CTSV: variants seen among roughly 807,000 people sequenced by gnomAD.
CTSV encodes cathepsin V.
A neutral mutation model predicts 35.6 loss-of-function variants in CTSV; 33 were observed. That is an observed-to-expected ratio of 0.93 (90% CI 0.70 to 1.24). The LOEUF is 1.24. Ranked by LOEUF, CTSV falls within the 50% of genes most tolerant of loss-of-function variation. The probability of loss-of-function intolerance (pLI) is 0.00; values close to 1 mark genes in which losing one functional copy is unlikely to be tolerated. For synonymous variants in CTSV, 154 were observed against 147.1 expected (o/e 1.05, Z -0.34); for missense variants, 408 against 413.1 (o/e 0.99, Z 0.11).
chr9:97,031,373 T>C lies in CTSV; in HGVS notation c.*1576A>G, dbSNP rs774203734. ...GCATTCACAATGGATCACCTTTCGATTAAATTTCACCAGCTCATCCCCGGT... is the reference window on the plus strand; with the variant it reads ...GCATTCACAATGGATCACCTTTCGACTAAATTTCACCAGCTCATCCCCGGT... On this transcript the variant is annotated 3_prime_UTR_variant, in exon 8 of 8. Coordinates refer to ENST00000259470, the MANE Select transcript of CTSV (RefSeq NM_001333.4). 4 of 152,218 alleles carry C rather than the reference T, an allele frequency of 2.6e-5. No homozygotes were observed. Among genetic ancestry groups the C allele is most frequent in the Non-Finnish European group, 4.4e-5 (3 of 68,050 alleles). 9.4% of individuals were successfully genotyped at this position (152,218 alleles called of 1,614,324 possible).
rs752383893 is a variant in CTSV at position 97,037,275 on chromosome 9, A to G, written c.373T>C (p.Tyr125His). 5 of 1,614,142 alleles carry G rather than the reference A, an allele frequency of 3.1e-6. No homozygotes were observed. In the Admixed American group the frequency reaches 8.3e-5, roughly 27 times the overall value. ...PKSVDWRKKG[Y>H]VTPVKNQKQC... ...ACCTGATTCTTCACTGGCGTCACGT[A>G]GCCTTTCTTTCTCCAATCCACAGAT... The change falls in exon 4 of 8, where the codon TAC (tyrosine) becomes CAC (histidine). Residue 125 changes from tyrosine to histidine, a missense_variant. Coordinates refer to ENST00000259470, the MANE Select transcript of CTSV (RefSeq NM_001333.4).
intron 1 of CTSV, chr9:97,038,344 G>C: frequency 3.8e-6 from 1 of 266,400 alleles, no homozygotes; most frequent in East Asian, 8.3e-5. Context: ...CTAGGAAAGA[G>C]TTGGTCCAGG....
rs373081100 is a variant in CTSV, at chr9:97,036,580, C to T, written c.564G>A (p.Gln188=). 2.0e-5 allele frequency: 32 copies of T among 1,613,966 alleles called. No homozygotes were observed. Among genetic ancestry groups the T allele is most frequent in the Non-Finnish European group, 8.5e-6 (10 of 1,180,028 alleles). ...CNGGFMARAF[Q]YVKENGGLDS... ...CCAGGCCTCCGTTCTCCTTGACATA[C>T]TGGAAGGCCCTAGCCATGAAGCCAC... Residue 188 remains glutamine (Q), a synonymous_variant, in exon 5 of 8, where the codon CAG becomes CAA. Coordinates refer to ENST00000259470, the MANE Select transcript of CTSV (RefSeq NM_001333.4).
At position 97,037,527 on chromosome 9, in the gene CTSV, C is replaced by T. The variant is rs757268654; in HGVS notation, c.215G>A (p.Gly72Asp). ...AAAAGCATTCATGGCCATTGTGAAG[C>T]CATGTTTCCCTTGGCTGTATTCCCC... ...HNGEYSQGKH[G>D]FTMAMNAFGD... Residue 72 changes from glycine (G) to aspartate (D), a missense_variant, in exon 3 of 8, where the codon GGC becomes GAC. Coordinates refer to ENST00000259470, the MANE Select transcript of CTSV (RefSeq NM_001333.4). The T allele has an allele frequency of 1.9e-6, 3 of 1,614,220 alleles. No homozygotes were observed. The highest frequency in any genetic ancestry group is 2.5e-6 in the Non-Finnish European group (3 of 1,180,040).
intron 6 of CTSV, 69 bp from the exon 7 acceptor site, chr9:97,034,912 C>A: frequency 8.5e-7 from 1 of 1,181,386 alleles, no homozygotes; most frequent in Non-Finnish European, 1.3e-6. Context: ...CACCCTACCA[C>A]CCTCCATAAG....
intron 7 of CTSV, 100 bp from the exon 8 acceptor site, chr9:97,033,148 C>A: frequency 1.4e-6 from 1 of 731,440 alleles, no homozygotes; most frequent in South Asian, 1.8e-5. Flanking sequence ...TCCCATGTGT[C>A]AGGCACTATT....
In CTSV at chr9:97,030,912, G is replaced by A. The variant is rs565950799; in HGVS notation, c.*2037C>T. The A allele has an allele frequency of 1.1e-4, 17 of 152,284 alleles. No individual in the cohort carries two copies. The highest frequency in any genetic ancestry group is 2.2e-4 in the Non-Finnish European group (15 of 68,026). 9.4% of individuals were successfully genotyped at this position (152,284 alleles called of 1,614,324 possible). A position where few individuals can be genotyped will look rare whatever the true frequency, so the allele number is the denominator to read the frequency against. On this transcript the variant is annotated 3_prime_UTR_variant, in exon 8 of 8. Transcript: ENST00000259470. The stretch of plus-strand genomic sequence containing the variant: ...CATATCCCCAGCAAATATTGGTTAA[G>A]TCTGTGCTTCAGACTAGATTTTTCA...
chr9:97,036,755 G>C lies in CTSV; in HGVS notation c.397-8C>G. On this transcript the variant is annotated splice_region_variant and splice_polypyrimidine_tract_variant and intron_variant, in intron 4 of 7. Coordinates refer to ENST00000259470, the MANE Select transcript of CTSV (RefSeq NM_001333.4). ...ACAAGAACCACACTGTTTCTAAAAA[G>C]GGAGAAAAAAAAAGCTGTAAATTTA... The C allele has an allele frequency of 6.4e-7, 1 of 1,569,760 alleles. No individual in the cohort carries two copies. The highest frequency in any genetic ancestry group is 1.7e-4 in the Middle Eastern group (1 of 5,802).
In CTSV at chr9:97,032,837, A is replaced by G. The variant is rs1828776890; in HGVS notation, c.*112T>C. 1 of 624,606 alleles carries G rather than the reference A, an allele frequency of 1.6e-6. No individual in the cohort carries two copies. 38.7% of individuals were successfully genotyped at this position (624,606 alleles called of 1,614,324 possible). ...TCACAGAATTAAAATCTCAACTTGG[A>G]TCCTCAATGATTCAACTGGTTTATC... On this transcript the variant is annotated 3_prime_UTR_variant, in exon 8 of 8. Coordinates refer to ENST00000259470, the MANE Select transcript of CTSV (RefSeq NM_001333.4).
intron 1 of CTSV, 134 bp from the exon 2 acceptor site, chr9:97,038,187 C>T: frequency 1.0e-6 from 1 of 979,910 alleles, no homozygotes; most frequent in Non-Finnish European, 1.4e-6. Context: ...CTGAAACAGG[C>T]CAAGTGGAGG....
Position 97,035,550 on chromosome 9 carries a change from C to T in CTSV, c.765G>A (p.Ser255=), listed in dbSNP as rs761346527. 64 of 1,562,540 alleles carry T rather than the reference C, an allele frequency of 4.1e-5. No homozygotes were observed. Among genetic ancestry groups the T allele is most frequent in the Non-Finnish European group, 5.2e-5 (60 of 1,150,442 alleles). ...TACCTGATTTGTAGAACTGGAAGGA[C>T]GAATGGCCTGCATCCATAGCAACGG... ...PISVAMDAGH[S]SFQFYKSGIY... is the part of the protein sequence containing the mutation. Residue 255 remains serine, a synonymous_variant, in exon 6 of 8, where the codon TCG becomes TCA. Transcript: ENST00000259470.
At chr9:97,037,886 A>G in intron 2 of CTSV, 32 bp downstream of exon 2, 1 of 1,608,752 alleles carries the variant, frequency 6.2e-7, no homozygotes, top group Non-Finnish European at 8.5e-7. Flanking sequence ...TTCTCTCCAG[A>G]GTCCCTCTGG....
chr9:97,037,177 A>G (rs1828867356), intron 4 of CTSV, 75 bp downstream of exon 4: 1 of 1,481,064 alleles, frequency 6.8e-7, no homozygotes, highest in Non-Finnish European at 9.2e-7. Flanking sequence ...TTGTGCCACC[A>G]TCTACCACAG....
rs140238295 is a variant in CTSV, at chr9:97,036,582, G to C, written c.562C>G (p.Gln188Glu). ...CNGGFMARAF[Q>E]YVKENGGLDS... Reference sequence around the variant, plus strand: ...AGGCCTCCGTTCTCCTTGACATACTGGAAGGCCCTAGCCATGAAGCCACCA... The same window carrying C: ...AGGCCTCCGTTCTCCTTGACATACTCGAAGGCCCTAGCCATGAAGCCACCA... Residue 188 changes from glutamine to glutamate, a missense_variant, in exon 5 of 8, where the codon CAG becomes GAG. Transcript: ENST00000259470. 95 of 1,614,022 alleles carry C rather than the reference G, an allele frequency of 5.9e-5. No individual in the cohort carries two copies. In the African/African-American group the frequency reaches 1.0e-3, roughly 17 times the overall value.
At chr9:97,034,950 T>C (rs1272103127) in intron 6 of CTSV, 107 bp from the exon 7 acceptor site, 6 of 795,968 alleles carry the variant, frequency 7.5e-6, no homozygotes, top group Non-Finnish European at 1.2e-5. Context: ...CAGTAAAATG[T>C]CATAAACAAA....
At chr9:97,033,472 A>C (rs1364463941) in intron 7 of CTSV, among the ~76,000 whole-genome samples, 1 of 150,996 alleles carries the variant, frequency 6.6e-6, no homozygotes, top group Non-Finnish European at 1.5e-5. Flanking sequence ...AAAAAAAAAA[A>C]ATTAACCGGG....
chr9:97,039,065 G>A lies in CTSV; in HGVS notation c.-11+6C>T. 6.5e-6 allele frequency: 1 copy of A among 152,796 alleles called. No individual in the cohort carries two copies. Among genetic ancestry groups the A allele is most frequent in the Non-Finnish European group, 1.5e-5 (1 of 68,424 alleles). The allele number at this position is 152,796 out of a possible 1,614,324, so 9.5% of individuals were successfully genotyped here. On this transcript the variant is annotated splice_donor_region_variant and intron_variant, in intron 1 of 7. Transcript: ENST00000259470. Reference sequence around the variant, plus strand: ...CCTGTCCCTCGGTCTGGTCGGGGGCGCTCACCAGCAGCCGTCGCAGCTGCG... The same window carrying A: ...CCTGTCCCTCGGTCTGGTCGGGGGCACTCACCAGCAGCCGTCGCAGCTGCG...
intron 7 of CTSV, 64 bp downstream of exon 7, chr9:97,034,662 T>C (rs1279724436): frequency 4.0e-6 from 5 of 1,241,108 alleles, no homozygotes; most frequent in East Asian, 2.3e-5. Flanking sequence ...ATTGAGCTTT[T>C]GTGAACTTGT....
chr9:97,039,158 T>G (rs1828913666), upstream of CTSV: 1 of 152,260 alleles, frequency 6.6e-6, no homozygotes, highest in Non-Finnish European at 1.5e-5. Context: ...TTCGCCCGCC[T>G]CGGGATTTAA....
Sources: gnomAD v4.1 joint callset for allele counts (sites outside exome capture counted in the v4.1 genomes callset) on GRCh38, gnomAD v4.1.1 for gene constraint, MANE v1.5 for transcripts, NCBI Gene and HGNC (gene_info 2026-07-23, HGNC 2026-07-21) for gene names.